Variants in SCARA3 observed in about 807,000 individuals in gnomAD.
SCARA3 encodes the protein scavenger receptor class A member 3.
Under a neutral mutation model 47.0 loss-of-function variants are expected in SCARA3, and 39 were observed. The ratio of observed to expected loss-of-function variants is 0.83; its 90% CI spans 0.64 to 1.08. The LOEUF is 1.08. Among genes scored for constraint, SCARA3 ranks in the 50% least tolerant of loss-of-function variants. SCARA3 has a pLI of 0.00. For synonymous variants in SCARA3, 356 were observed against 334.1 expected (o/e 1.07, Z -0.71); for missense variants, 724 against 792.3 (o/e 0.91, Z 1.04).
At chr8:27,650,388 G>C (rs1488852698) in intron 2 of SCARA3, among the ~76,000 whole-genome samples, 2 of 152,124 alleles carry the variant, frequency 1.3e-5, no homozygotes, top group Non-Finnish European at 2.9e-5. Context: ...TACATACCCT[G>C]TCCCTGGGGC....
downstream of SCARA3, among the ~76,000 whole-genome samples, chr8:27,677,051 G>A (rs1242942869): frequency 6.6e-6 from 1 of 152,164 alleles, no homozygotes; most frequent in East Asian, 1.9e-4. Context: ...AGCTTCACAG[G>A]CTTCCCTTCT....
At chr8:27,646,309 G>A (rs1487789563) in intron 1 of SCARA3, among the ~76,000 whole-genome samples, 1 of 152,226 alleles carries the variant, frequency 6.6e-6, no homozygotes. Flanking sequence ...AGCCTCGTTA[G>A]CAATTTCCAC....
chr8:27,677,788 C>T (rs1186637527), downstream of SCARA3, among the ~76,000 whole-genome samples: 3 of 152,136 alleles, frequency 2.0e-5, no homozygotes, highest in African/African-American at 4.8e-5. Flanking sequence ...CAAGGTAGAA[C>T]ATGATGTGAG....
downstream of SCARA3, among the ~76,000 whole-genome samples, chr8:27,675,560 C>T (rs1239310272): frequency 1.3e-5 from 2 of 152,166 alleles, no homozygotes; most frequent in East Asian, 3.9e-4. Context: ...GAGGCCAAGG[C>T]AGGTGGATCA....
At chr8:27,634,300 C>A in intron 1 of SCARA3, 93 bp downstream of exon 1, 1 of 1,148,426 alleles carries the variant, frequency 8.7e-7, no homozygotes, top group Non-Finnish European at 1.1e-6. Flanking sequence ...GCAGGCGAGG[C>A]TGAGAGGAGG....
At chr8:27,660,699 ATAG>A (rs371420160) in intron 5 of SCARA3, among the ~76,000 whole-genome samples, 30,371 of 147,838 alleles carry the variant, frequency 0.21, 3,926 homozygotes, top group Middle Eastern at 0.32. Flanking sequence ...TAGATGATAG[ATAG>A]ATAGATAGAT....
At chr8:27,714,458 G>T in the SCARA3 span, among the ~76,000 whole-genome samples, 2 of 152,100 alleles carry the variant, frequency 1.3e-5, no homozygotes, top group African/African-American at 2.4e-5. Context: ...CTCCCAAAGT[G>T]CTGGGATTAC....
intron 2 of SCARA3, among the ~76,000 whole-genome samples, chr8:27,650,534 C>A (rs1000536206): frequency 4.6e-5 from 7 of 152,306 alleles, no homozygotes; most frequent in African/African-American, 1.7e-4. Context: ...ATTGCAATCA[C>A]CCATGGATGC....
At chr8:27,685,231 CAT>C in the SCARA3 span, among the ~76,000 whole-genome samples, 3 of 152,224 alleles carry the variant, frequency 2.0e-5, no homozygotes, top group African/African-American at 2.4e-5. Flanking sequence ...CATAGGAAAA[CAT>C]AACTCACCAA....
the SCARA3 span, among the ~76,000 whole-genome samples, chr8:27,697,043 T>G: frequency 1.3e-5 from 2 of 152,184 alleles, no homozygotes. Flanking sequence ...GGTATGTAAG[T>G]TGTATCCTGA....
At chr8:27,664,208 A>G (rs1218744562) in intron 5 of SCARA3, among the ~76,000 whole-genome samples, 2 of 152,232 alleles carry the variant, frequency 1.3e-5, no homozygotes, top group East Asian at 3.9e-4. Flanking sequence ...CTAGGGCACA[A>G]TGTTCCAGGG....
intron 1 of SCARA3, among the ~76,000 whole-genome samples, chr8:27,648,081 G>C (rs1801545932): frequency 6.6e-6 from 1 of 152,228 alleles, no homozygotes; most frequent in Admixed American, 6.5e-5. Flanking sequence ...AGGTTTCTTA[G>C]CACTTTGTGG....
At chr8:27,721,395 A>G in the SCARA3 span, among the ~76,000 whole-genome samples, 2 of 152,200 alleles carry the variant, frequency 1.3e-5, no homozygotes. Context: ...TTCAGGTCTT[A>G]TGGAACTTAT....
chr8:27,685,759 AAAG>A, the SCARA3 span, among the ~76,000 whole-genome samples: 1 of 152,200 alleles, frequency 6.6e-6, no homozygotes, highest in Admixed American at 6.5e-5. Flanking sequence ...AAAGAAAACA[AAAG>A]AAAATCACCC....
intron 1 of SCARA3, among the ~76,000 whole-genome samples, chr8:27,639,249 G>A (rs538774254): frequency 6.6e-6 from 1 of 152,290 alleles, no homozygotes; most frequent in South Asian, 2.1e-4. Flanking sequence ...GCAAGCCTGG[G>A]TGCTTTCTGC....
At position 27,658,710 on chromosome 8, in the gene SCARA3, G is replaced by A. The variant is rs768575549; in HGVS notation, c.540G>A (p.Gln180=). The A allele has an allele frequency of 6.2e-7, 1 of 1,614,114 alleles. No homozygotes were observed. The highest frequency in any genetic ancestry group is 1.1e-5 in the South Asian group (1 of 91,076). The part of the protein sequence containing the change: ...EMGSCSFSIH[Q]VNQSLGLFLA... Reference sequence around the variant, plus strand: ...GCAGTTGCTCCTTCTCCATCCACCAGGTTAACCAGTCTCTGGGGCTCTTCC... The same window carrying A: ...GCAGTTGCTCCTTCTCCATCCACCAAGTTAACCAGTCTCTGGGGCTCTTCC... The change falls in exon 5 of 6, where the codon CAG becomes CAA. Residue 180 remains glutamine (Q), a synonymous_variant. Coordinates refer to ENST00000301904, the MANE Select transcript of SCARA3 (RefSeq NM_016240.3).
chr8:27,684,103 C>T, the SCARA3 span, among the ~76,000 whole-genome samples: 1 of 152,102 alleles, frequency 6.6e-6, no homozygotes, highest in Non-Finnish European at 1.5e-5. Flanking sequence ...TGAAAATGGT[C>T]TCTATGTTAA....
chr8:27,719,853 T>C, the SCARA3 span, among the ~76,000 whole-genome samples: 1 of 152,150 alleles, frequency 6.6e-6, no homozygotes, highest in Non-Finnish European at 1.5e-5. Context: ...CCAAAATGTC[T>C]TGGGGTCTAA....
chr8:27,646,570 C>A (rs1801497284), intron 1 of SCARA3, among the ~76,000 whole-genome samples: 1 of 152,114 alleles, frequency 6.6e-6, no homozygotes, highest in Admixed American at 6.5e-5. Flanking sequence ...AGGAACCCGG[C>A]CAAGGAGGCA....
Sources: allele counts gnomAD v4.1 joint callset (sites outside exome capture counted in the v4.1 genomes callset), GRCh38; gene constraint gnomAD v4.1.1; transcripts MANE v1.5; gene names NCBI Gene and HGNC (gene_info 2026-07-23, HGNC 2026-07-21).